The following BMS1 variants were observed in gnomAD, a reference collection of about 807,000 sequenced individuals.
The protein encoded by BMS1 is BMS1 ribosome biogenesis factor.
Under a neutral mutation model 138.7 loss-of-function variants are expected in BMS1, and 53 were observed. The ratio of observed to expected loss-of-function variants is 0.38; its 90% confidence interval spans 0.31 to 0.48. The LOEUF (loss-of-function observed/expected upper bound fraction) is 0.48. Among genes scored for constraint, BMS1 ranks in the 20% least tolerant of loss-of-function variants. The probability of loss-of-function intolerance (pLI) is 0.97; values close to 1 mark genes in which losing one functional copy is unlikely to be tolerated. For synonymous variants in BMS1, 504 were observed against 539.9 expected (o/e 0.93, Z 0.92); for missense variants, 1,360 against 1,565.5 (o/e 0.87, Z 2.22).
At chr10:42,802,345 G>A in intron 13 of BMS1, 127 bp downstream of exon 13, 2 of 728,662 alleles carry the variant, frequency 2.7e-6, no homozygotes, top group Admixed American at 3.3e-5. Context: ...TCAGACAGGA[G>A]TAATGAACCA....
At chr10:42,805,164 T>C (rs1413797942) in intron 13 of BMS1, among the ~76,000 whole-genome samples, 1 of 152,226 alleles carries the variant, frequency 6.6e-6, no homozygotes, top group African/African-American at 2.4e-5. Flanking sequence ...GAGTTAATTT[T>C]TTATAGAGTG....
intron 3 of BMS1, among the ~76,000 whole-genome samples, chr10:42,785,961 G>A (rs191722267): frequency 2.6e-5 from 4 of 152,262 alleles, no homozygotes; most frequent in East Asian, 1.9e-4. Context: ...GCTCGATTGC[G>A]ACACCAGCCA....
Position 42,828,098 on chromosome 10 carries a change from A to G in BMS1, c.3457-2163A>G, listed in dbSNP as rs559332012. Among the ~76,000 whole-genome samples, 19 of 152,326 alleles carry G rather than the reference A, an allele frequency of 1.2e-4. No homozygotes were observed. In the South Asian group the frequency reaches 2.3e-3, roughly 18 times the overall value. On this transcript the variant is annotated intron_variant, in intron 21 of 22. Transcript: ENST00000374518. ...ACACCAGCTGCCACGCCCTGGACCAAGCAGTAGCCTCGCCCTGTGGCCTCT... is the reference window on the plus strand; with the variant it reads ...ACACCAGCTGCCACGCCCTGGACCAGGCAGTAGCCTCGCCCTGTGGCCTCT...
intron 11 of BMS1, among the ~76,000 whole-genome samples, chr10:42,798,149 C>A (rs1841747937): frequency 2.6e-5 from 4 of 152,204 alleles, no homozygotes; most frequent in Admixed American, 6.5e-5. Context: ...TAGAGCTCTT[C>A]TTTAATAATC....
At chr10:42,795,841 G>C (rs954652410) in intron 9 of BMS1, among the ~76,000 whole-genome samples, 26 of 152,078 alleles carry the variant, frequency 1.7e-4, no homozygotes, top group African/African-American at 5.8e-4. Flanking sequence ...ACGTTTGTTA[G>C]CTGGCATTTT....
At chr10:42,800,361 G>T (rs978819995) in intron 12 of BMS1, among the ~76,000 whole-genome samples, 2 of 152,116 alleles carry the variant, frequency 1.3e-5, no homozygotes, top group African/African-American at 2.4e-5. Flanking sequence ...GTTATCAGTT[G>T]TTGGTGCTCA....
rs1287470391 is a variant in BMS1, at chr10:42,833,334, G to T, written c.*2238G>T. ...TTCATGTAGAATTTTTATTGGTGAA[G>T]GTTCCACCTGGCCAGGTTAGTAAAA... On this transcript the variant is annotated 3_prime_UTR_variant, in exon 23 of 23. Coordinates refer to ENST00000374518, the MANE Select transcript of BMS1 (RefSeq NM_014753.4). The T allele has an allele frequency of 2.0e-5, 3 of 152,206 alleles. No homozygotes were observed. Among genetic ancestry groups the T allele is most frequent in the Non-Finnish European group, 2.9e-5 (2 of 68,046 alleles). 9.4% of individuals were successfully genotyped at this position (152,206 alleles called of 1,614,324 possible). A position where few individuals can be genotyped will look rare whatever the true frequency, so the allele number is the denominator to read the frequency against.
At chr10:42,812,237 C>G (rs1193993153) in intron 13 of BMS1, among the ~76,000 whole-genome samples, 1 of 152,148 alleles carries the variant, frequency 6.6e-6, no homozygotes, top group East Asian at 1.9e-4. Context: ...CCTTGACCTC[C>G]TAGGCTCAAG....
intron 21 of BMS1, among the ~76,000 whole-genome samples, chr10:42,824,961 G>A (rs1842596324): frequency 6.6e-6 from 1 of 152,006 alleles, no homozygotes; most frequent in South Asian, 2.1e-4. Context: ...TCTCTTGGCT[G>A]TTTGGGGTTT....
chr10:42,805,265 G>A (rs190043197), intron 13 of BMS1, among the ~76,000 whole-genome samples: 39 of 152,048 alleles, frequency 2.6e-4, no homozygotes, highest in African/African-American at 7.5e-4. Context: ...CCGTTGAATT[G>A]CCCTGTATTG....
chr10:42,807,987 T>C (rs1214293617), intron 13 of BMS1, among the ~76,000 whole-genome samples: 1 of 152,196 alleles, frequency 6.6e-6, no homozygotes, highest in African/African-American at 2.4e-5. Flanking sequence ...GCTATTCTAA[T>C]AGGTATGTGA....
chr10:42,784,480 T>A lies in BMS1; in HGVS notation c.86T>A (p.Leu29His), dbSNP rs769984487. 1 of 1,613,844 alleles carries A rather than the reference T, an allele frequency of 6.2e-7. No individual in the cohort carries two copies. The highest frequency in any genetic ancestry group is 1.3e-5 in the African/African-American group (1 of 74,936). The change falls in exon 2 of 23, where the codon CTC becomes CAC. Residue 29 changes from leucine (L) to histidine (H), a missense_variant. Coordinates refer to ENST00000374518, the MANE Select transcript of BMS1 (RefSeq NM_014753.4). ...AAAAAGAAGCGGCTTCTGCAGGATCTCCAGCTAGGAGACGAAGAAGATGCC... is the reference window on the plus strand; with the variant it reads ...AAAAAGAAGCGGCTTCTGCAGGATCACCAGCTAGGAGACGAAGAAGATGCC... Reference protein sequence around the residue: ...AKKKKRLLQDLQLGDEEDARK... With the variant: ...AKKKKRLLQDHQLGDEEDARK...
chr10:42,810,562 T>C (rs1390588337), intron 13 of BMS1, among the ~76,000 whole-genome samples: 1 of 152,220 alleles, frequency 6.6e-6, no homozygotes, highest in East Asian at 1.9e-4. Flanking sequence ...CTGGAAGAGT[T>C]TGTATAGAAT....
At chr10:42,790,627 T>G (rs1841474767) in intron 5 of BMS1, 116 bp downstream of exon 5, 1 of 1,130,074 alleles carries the variant, frequency 8.8e-7, no homozygotes, top group Non-Finnish European at 1.2e-6. Flanking sequence ...GCAGAGGCGG[T>G]CGGATCACTT....
intron 21 of BMS1, among the ~76,000 whole-genome samples, chr10:42,827,618 G>T (rs1307815792): frequency 6.6e-6 from 1 of 152,158 alleles, no homozygotes; most frequent in Non-Finnish European, 1.5e-5. Context: ...TATCCCCACA[G>T]GGAGACATCC....
In BMS1 at chr10:42,796,609, G is replaced by T. The variant is rs1269423246; in HGVS notation, c.1365G>T (p.Gly455=). The T allele has an allele frequency of 2.5e-6, 4 of 1,614,192 alleles. No homozygotes were observed. Among genetic ancestry groups the T allele is most frequent in the Non-Finnish European group, 3.4e-6 (4 of 1,180,042 alleles). The change falls in exon 10 of 23, where the codon GGG becomes GGT. Residue 455 remains glycine (G), a synonymous_variant. Coordinates refer to ENST00000374518, the MANE Select transcript of BMS1 (RefSeq NM_014753.4). ...EEDDEMSEDD[G]LENGSSDEEA... is the part of the protein sequence containing the mutation. ...ATGATGAAATGTCTGAAGATGACGG[G>T]TTGGAAAACGGCTCTAGTGATGAGG...
rs776031175 is a variant in BMS1, at chr10:42,817,476, A to C, written c.2562A>C (p.Glu854Asp). 1.2e-6 allele frequency: 2 copies of C among 1,602,730 alleles called. No homozygotes were observed. The highest frequency in any genetic ancestry group is 2.2e-5 in the East Asian group (1 of 44,816). Residue 854 changes from glutamate to aspartate, a missense_variant, in exon 15 of 23, where the codon GAA (glutamate) becomes GAC (aspartate). This residue lies in a region of BMS1 where 425 missense variants were observed against 568.3 expected (regional missense o/e 0.75). Transcript: ENST00000374518. Reference protein sequence around the residue: ...ESTYFDDLKGEMQKQAQLNRA... With the variant: ...ESTYFDDLKGDMQKQAQLNRA... ...CATATTTTGATGATCTTAAAGGAGAAATGCAGAAACAAGCACAGGTGAGAA... is the reference window on the plus strand; with the variant it reads ...CATATTTTGATGATCTTAAAGGAGACATGCAGAAACAAGCACAGGTGAGAA...
At chr10:42,795,117 T>C (rs1038486590) in intron 9 of BMS1, among the ~76,000 whole-genome samples, 2 of 147,324 alleles carry the variant, frequency 1.4e-5, no homozygotes, top group African/African-American at 4.9e-5. Context: ...GGCTGCATAG[T>C]ATTCCATGGT....
intron 18 of BMS1, among the ~76,000 whole-genome samples, chr10:42,821,502 C>T (rs907361326): frequency 2.0e-4 from 28 of 141,356 alleles, no homozygotes; most frequent in African/African-American, 7.2e-4. Context: ...AGTGAAATTA[C>T]ATTCCTCTGA....
Sources: allele counts gnomAD v4.1 joint callset (sites outside exome capture counted in the v4.1 genomes callset), GRCh38; gene constraint gnomAD v4.1.1; regional missense constraint gnomAD v4.1.1; transcripts MANE v1.5; gene names NCBI Gene and HGNC (gene_info 2026-07-23, HGNC 2026-07-21).